SAMD4A: variants seen among roughly 807,000 people sequenced by gnomAD.
The protein encoded by SAMD4A is protein Smaug homolog 1.
In SAMD4A, 33 loss-of-function variants were observed where a neutral mutation model predicts 81.3. The ratio of observed to expected loss-of-function variants is 0.41; its 90% CI spans 0.31 to 0.54. SAMD4A has a LOEUF of 0.54. SAMD4A is among the 20% of genes least tolerant of loss of function. The pLI is 0.37. For synonymous variants in SAMD4A, 389 were observed against 382.1 expected (o/e 1.02, Z -0.21); for missense variants, 854 against 951.1 (o/e 0.90, Z 1.34).
intron 2 of SAMD4A, among the ~76,000 whole-genome samples, chr14:54,665,885 A>G (rs1295364080): frequency 6.6e-6 from 1 of 152,120 alleles, no homozygotes; most frequent in Non-Finnish European, 1.5e-5. Context: ...CTGAAACCCC[A>G]TTTTCCTTAC....
In SAMD4A at chr14:54,573,062, G is replaced by A. The variant is rs146560415; in HGVS notation, c.196+4950G>A. On this transcript the variant is annotated intron_variant, in intron 2 of 12. Coordinates refer to ENST00000554335, the MANE Select transcript of SAMD4A (RefSeq NM_015589.6). ...TTCCTTCAGTTGGTGAATGTGAAAAGAAGAAATCATTTTGCTGAATGAAAT... is the reference window on the plus strand; with the variant it reads ...TTCCTTCAGTTGGTGAATGTGAAAAAAAGAAATCATTTTGCTGAATGAAAT... Among the ~76,000 whole-genome samples, 1,160 of 152,294 alleles carry A rather than the reference G, an allele frequency of 7.6e-3. 14 individuals are homozygous for A. The highest frequency in any genetic ancestry group is 0.024 in the Middle Eastern group (7 of 294).
At chr14:54,779,685 T>A (rs969911869) in intron 11 of SAMD4A, among the ~76,000 whole-genome samples, 2 of 151,388 alleles carry the variant, frequency 1.3e-5, no homozygotes, top group African/African-American at 2.4e-5. Flanking sequence ...AAGCTTTTTT[T>A]TTTTTTTTTT....
At chr14:54,784,506 T>C (rs2039084009) in intron 11 of SAMD4A, 31 bp from the exon 12 acceptor site, 7 of 1,613,860 alleles carry the variant, frequency 4.3e-6, no homozygotes, top group Non-Finnish European at 5.9e-6. Context: ...ATCTCCTCCT[T>C]GTCACCAACA....
intron 2 of SAMD4A, among the ~76,000 whole-genome samples, chr14:54,642,629 G>C (rs1400543522): frequency 6.6e-6 from 1 of 152,200 alleles, no homozygotes; most frequent in Non-Finnish European, 1.5e-5. Context: ...TACCAGCTAT[G>C]TGCCTGGTAC....
chr14:54,638,267 G>A (rs1215246563), intron 2 of SAMD4A, among the ~76,000 whole-genome samples: 1 of 152,190 alleles, frequency 6.6e-6, no homozygotes, highest in Non-Finnish European at 1.5e-5. Context: ...AGCACACGGA[G>A]CAGCTGGTCT....
At chr14:54,637,365 C>CAA (rs1172084217) in intron 2 of SAMD4A, among the ~76,000 whole-genome samples, 8,427 of 63,210 alleles carry the variant, frequency 0.13, 802 homozygotes, top group African/African-American at 0.17. Flanking sequence ...AACTCCATCT[C>CAA]AAAAAAAAAA....
At chr14:54,781,285 T>C (rs2038993306) in intron 11 of SAMD4A, among the ~76,000 whole-genome samples, 1 of 152,228 alleles carries the variant, frequency 6.6e-6, no homozygotes, top group East Asian at 1.9e-4. Flanking sequence ...GTGCCACACA[T>C]GTGAGACCCA....
intron 2 of SAMD4A, among the ~76,000 whole-genome samples, chr14:54,628,123 A>G (rs573137194): frequency 6.6e-6 from 1 of 152,186 alleles, no homozygotes. Flanking sequence ...TTGGATTGCC[A>G]TAGCAACATG....
intron 2 of SAMD4A, among the ~76,000 whole-genome samples, chr14:54,592,697 G>T (rs1431697118): frequency 6.6e-6 from 1 of 152,162 alleles, no homozygotes; most frequent in Non-Finnish European, 1.5e-5. Context: ...CTGACCTCGT[G>T]ATCCCCCTGT....
chr14:54,709,855 C>T (rs955333832), intron 3 of SAMD4A, among the ~76,000 whole-genome samples: 1 of 152,168 alleles, frequency 6.6e-6, no homozygotes, highest in Non-Finnish European at 1.5e-5. Flanking sequence ...GTAAACCATT[C>T]AGGCAAAGAA....
At chr14:54,769,799 T>G (rs540386646) in intron 8 of SAMD4A, among the ~76,000 whole-genome samples, 3 of 152,298 alleles carry the variant, frequency 2.0e-5, no homozygotes, top group South Asian at 4.1e-4. Context: ...GGTTAATAAA[T>G]AGAGTCTGGA....
At chr14:54,654,962 C>G (rs2035486517) in intron 2 of SAMD4A, among the ~76,000 whole-genome samples, 1 of 152,164 alleles carries the variant, frequency 6.6e-6, no homozygotes. Flanking sequence ...GTCCATATAG[C>G]AGAGACATAA....
At chr14:54,621,896 TG>T (rs1200540610) in intron 2 of SAMD4A, among the ~76,000 whole-genome samples, 1 of 152,186 alleles carries the variant, frequency 6.6e-6, no homozygotes, top group Admixed American at 6.5e-5. Context: ...GGGAGTGTTT[TG>T]GGGAGAAACA....
chr14:54,652,376 A>G (rs967336142), intron 2 of SAMD4A, among the ~76,000 whole-genome samples: 1 of 152,218 alleles, frequency 6.6e-6, no homozygotes, highest in Non-Finnish European at 1.5e-5. Flanking sequence ...GAAACTCCAC[A>G]TTCTTCAGAC....
chr14:54,782,018 C>A (rs2039010690), intron 11 of SAMD4A, among the ~76,000 whole-genome samples: 1 of 152,196 alleles, frequency 6.6e-6, no homozygotes, highest in Admixed American at 6.5e-5. Context: ...CTCCCCAGTG[C>A]ATGGAAGCAA....
At chr14:54,751,956 G>A (rs1212643095) in intron 6 of SAMD4A, among the ~76,000 whole-genome samples, 1 of 152,194 alleles carries the variant, frequency 6.6e-6, no homozygotes, top group African/African-American at 2.4e-5. Flanking sequence ...GGGAGGGTCT[G>A]TTTTGAGAAA....
intron 2 of SAMD4A, among the ~76,000 whole-genome samples, chr14:54,627,131 C>A (rs2034782932): frequency 6.6e-6 from 1 of 152,170 alleles, no homozygotes; most frequent in Non-Finnish European, 1.5e-5. Context: ...CTTTTTACAT[C>A]CAACCCCCAG....
At chr14:54,782,348 A>G (rs1163007142) in intron 11 of SAMD4A, among the ~76,000 whole-genome samples, 1 of 150,664 alleles carries the variant, frequency 6.6e-6, no homozygotes, top group African/African-American at 2.4e-5. Flanking sequence ...TTTTTTTCAT[A>G]TTTGCTAACT....
intron 2 of SAMD4A, among the ~76,000 whole-genome samples, chr14:54,692,393 G>C (rs764384213): frequency 6.6e-6 from 1 of 152,164 alleles, no homozygotes; most frequent in African/African-American, 2.4e-5. Flanking sequence ...TCTGTTGACT[G>C]TCTGGACATT....
Sources: allele counts gnomAD v4.1 joint callset (sites outside exome capture counted in the v4.1 genomes callset), GRCh38; gene constraint gnomAD v4.1.1; transcripts MANE v1.5; gene names NCBI Gene and HGNC (gene_info 2026-07-23, HGNC 2026-07-21).